Variants in LRP1B observed in about 807,000 individuals in gnomAD.
The protein encoded by LRP1B is low-density lipoprotein receptor-related protein 1B.
LRP1B carries 217 observed loss-of-function variants against 556.6 expected under a neutral mutation model. The ratio of observed to expected loss-of-function variants is 0.39; its 90% CI spans 0.35 to 0.44. LRP1B has a LOEUF of 0.44. Ranked by LOEUF, LRP1B falls within the 20% of genes least tolerant of loss-of-function variation. The pLI is 1.00. For synonymous variants in LRP1B, 2,047 were observed against 1,865.8 expected (o/e 1.10, Z -2.50); for missense variants, 5,053 against 5,620.8 (o/e 0.90, Z 3.23).
At chr2:141,784,176 T>C (rs2105646036) in intron 2 of LRP1B, among the ~76,000 whole-genome samples, 1 of 152,100 alleles carries the variant, frequency 6.6e-6, no homozygotes, top group East Asian at 1.9e-4. Flanking sequence ...CAAATAACAA[T>C]ATAACTAATT....
At chr2:140,969,173 T>C (rs1009040994) in intron 18 of LRP1B, among the ~76,000 whole-genome samples, 9 of 152,190 alleles carry the variant, frequency 5.9e-5, no homozygotes, top group African/African-American at 1.7e-4. Flanking sequence ...CTAAGTCTCT[T>C]TGTAGGTCTC....
chr2:140,385,390 G>A (rs1683714308), intron 67 of LRP1B, among the ~76,000 whole-genome samples: 2 of 152,132 alleles, frequency 1.3e-5, no homozygotes, highest in Non-Finnish European at 2.9e-5. Flanking sequence ...GAAGACAGAT[G>A]ATAACAATAG....
chr2:141,712,402 G>C (rs967338699), intron 2 of LRP1B, among the ~76,000 whole-genome samples: 5 of 152,016 alleles, frequency 3.3e-5, no homozygotes, highest in Non-Finnish European at 7.4e-5. Flanking sequence ...AAAAGCCACA[G>C]ACCTAGTTAT....
In LRP1B at chr2:141,257,560, T is replaced by A. The variant is rs565758220; in HGVS notation, c.344-2919A>T. On this transcript the variant is annotated intron_variant, in intron 3 of 90. Transcript: ENST00000389484. ...GGAGAAATACAAAATGCGGGAAAAA[T>A]TAATCTGAAAGACCAGACCTCAAAC... Among the ~76,000 whole-genome samples the A allele has an allele frequency of 1.6e-4, 24 of 152,126 alleles. No homozygotes were observed. The South Asian group carries it at 5.0e-3, about 32-fold the overall frequency.
chr2:142,120,960 A>G (rs537481619), intron 1 of LRP1B, among the ~76,000 whole-genome samples: 1 of 152,316 alleles, frequency 6.6e-6, no homozygotes, highest in Admixed American at 6.5e-5. Flanking sequence ...AAATCAATAA[A>G]AGGCACTGCA....
intron 66 of LRP1B, among the ~76,000 whole-genome samples, chr2:140,399,053 T>C (rs960212681): frequency 6.6e-6 from 1 of 152,136 alleles, no homozygotes; most frequent in African/African-American, 2.4e-5. Context: ...ATGAGTCCGA[T>C]TGAATAAACC....
At chr2:140,806,445 T>A (rs1294712243) in intron 32 of LRP1B, among the ~76,000 whole-genome samples, 1 of 152,132 alleles carries the variant, frequency 6.6e-6, no homozygotes, top group Non-Finnish European at 1.5e-5. Flanking sequence ...CGGAATGATA[T>A]ATAAATGAGA....
chr2:140,291,320 T>TATATATATATATATATATATATATATA (rs745524571), intron 84 of LRP1B, among the ~76,000 whole-genome samples: 856 of 50,834 alleles, frequency 0.017, 149 homozygotes, highest in Middle Eastern at 0.033. Flanking sequence ...ATATATATAT[T>TATATATATATATATATATATATATATA]TTTATTATAC....
chr2:141,474,037 T>C lies in LRP1B; in HGVS notation c.343+6359A>G, dbSNP rs745569005. 1.4e-3 allele frequency among the ~76,000 whole-genome samples: 182 copies of C among 125,570 alleles called. 1 individual carries two copies. Among genetic ancestry groups the C allele is most frequent in the Non-Finnish European group, 1.2e-3 (75 of 61,072 alleles). 82.4% of individuals were successfully genotyped at this position (125,570 alleles called of 152,430 possible). Reference sequence around the variant, plus strand: ...CTTCCTTCCTTCCTTCCTTCCTTCCTTCCTTCCTTTCCTTCCTTCCTCCCT... The same window carrying C: ...CTTCCTTCCTTCCTTCCTTCCTTCCCTCCTTCCTTTCCTTCCTTCCTCCCT... On this transcript the variant is annotated intron_variant, in intron 3 of 90. Transcript: ENST00000389484.
chr2:140,926,016 A>T lies in LRP1B; in HGVS notation c.3137-2869T>A, dbSNP rs531229178. Among the ~76,000 whole-genome samples, 357 of 149,372 alleles carry T rather than the reference A, an allele frequency of 2.4e-3. 1 individual carries two copies. Among genetic ancestry groups the T allele is most frequent in the African/African-American group, 8.5e-3 (346 of 40,850 alleles). ...CTTATTCTAAATAAATATTTACCTTATAAATTTAAATACAAATGTTATATT... is the reference window on the plus strand; with the variant it reads ...CTTATTCTAAATAAATATTTACCTTTTAAATTTAAATACAAATGTTATATT... On this transcript the variant is annotated intron_variant, in intron 20 of 90. Coordinates refer to ENST00000389484, the MANE Select transcript of LRP1B (RefSeq NM_018557.3).
At chr2:141,069,835 G>A (rs1046414532) in intron 7 of LRP1B, among the ~76,000 whole-genome samples, 4 of 151,648 alleles carry the variant, frequency 2.6e-5, no homozygotes, top group Non-Finnish European at 4.4e-5. Context: ...TAAGTTTTAG[G>A]GTACATGTGC....
chr2:141,898,235 G>C (rs1699512313), intron 1 of LRP1B, among the ~76,000 whole-genome samples: 6 of 151,972 alleles, frequency 3.9e-5, no homozygotes, highest in Non-Finnish European at 7.4e-5. Flanking sequence ...CCATTTCTCT[G>C]TGCCTCCCTC....
At chr2:141,122,047 T>C (rs1268403061) in intron 7 of LRP1B, among the ~76,000 whole-genome samples, 3 of 152,152 alleles carry the variant, frequency 2.0e-5, no homozygotes, top group Admixed American at 1.3e-4. Context: ...TGGCTAGCCG[T>C]ATGTAGAAAG....
intron 2 of LRP1B, among the ~76,000 whole-genome samples, chr2:141,563,982 T>C (rs2105252124): frequency 6.6e-6 from 1 of 152,108 alleles, no homozygotes; most frequent in African/African-American, 2.4e-5. Flanking sequence ...CATATCCACG[T>C]AACAAACCTG....
At chr2:141,788,212 T>G (rs147218063) in intron 2 of LRP1B, among the ~76,000 whole-genome samples, 33 of 152,076 alleles carry the variant, frequency 2.2e-4, no homozygotes, top group African/African-American at 7.7e-4. Context: ...AAACCTAGGA[T>G]TTGAGCTACA....
At chr2:141,153,268 TAATA>T (rs1193061237) in intron 7 of LRP1B, among the ~76,000 whole-genome samples, 1 of 130,602 alleles carries the variant, frequency 7.7e-6, no homozygotes, top group African/African-American at 2.9e-5. Flanking sequence ...ATATTTATAA[TAATA>T]TATATAAGCT....
At chr2:140,884,913 C>T (rs1693589140) in intron 24 of LRP1B, among the ~76,000 whole-genome samples, 1 of 152,080 alleles carries the variant, frequency 6.6e-6, no homozygotes, top group Admixed American at 6.6e-5. Flanking sequence ...GGGGTTTTGC[C>T]ATGTTGTCCA....
chr2:141,876,092 C>T (rs1698749292), intron 1 of LRP1B, among the ~76,000 whole-genome samples: 1 of 151,968 alleles, frequency 6.6e-6, no homozygotes, highest in East Asian at 1.9e-4. Flanking sequence ...TAAAAAATTT[C>T]CATTTTTAAC....
intron 2 of LRP1B, among the ~76,000 whole-genome samples, chr2:141,488,921 C>A (rs10496883): frequency 0.059 from 8,959 of 151,420 alleles, 416 homozygotes; most frequent in African/African-American, 0.11. Flanking sequence ...AGATTTCTAA[C>A]GTACCATTAA....
Sources: gnomAD v4.1 joint callset for allele counts (sites outside exome capture counted in the v4.1 genomes callset) on GRCh38, gnomAD v4.1.1 for gene constraint, MANE v1.5 for transcripts, NCBI Gene and HGNC (gene_info 2026-07-23, HGNC 2026-07-21) for gene names.